The following RANBP2 variants were observed in gnomAD, a reference collection of about 807,000 sequenced individuals.
RANBP2 encodes RAN binding protein 2, also known as E3 SUMO-protein ligase RanBP2.
RANBP2 carries 57 observed loss-of-function variants against 303.6 expected under a neutral mutation model. That is an observed-to-expected ratio of 0.19 (90% CI 0.15 to 0.23). The LOEUF (loss-of-function observed/expected upper bound fraction) is 0.23, where lower values mean the gene tolerates loss of function less well. RANBP2 is among the 10% of genes least tolerant of loss of function. The pLI is 1.00. For synonymous variants in RANBP2, 1,167 were observed against 1,301.5 expected, an observed-to-expected ratio of 0.90 and a Z score of 2.23; for missense variants, 3,138 against 3,780.8, an observed-to-expected ratio of 0.83 and a Z score of 4.46.
chr2:109,151,899 G>A, the RANBP2 span, among the ~76,000 whole-genome samples: 1 of 152,214 alleles, frequency 6.6e-6, no homozygotes, highest in African/African-American at 2.4e-5. Context: ...GAGGACTGCA[G>A]GAATTTTTGG....
the RANBP2 span, among the ~76,000 whole-genome samples, chr2:108,990,832 G>A: frequency 6.6e-6 from 1 of 152,160 alleles, no homozygotes; most frequent in Non-Finnish European, 1.5e-5. Flanking sequence ...CAGACTGAGG[G>A]TCTGTGATAA....
chr2:109,174,701 T>C, the RANBP2 span, among the ~76,000 whole-genome samples: 5 of 152,250 alleles, frequency 3.3e-5, no homozygotes, highest in Non-Finnish European at 7.3e-5. Context: ...ATAGGGCACA[T>C]GCACTGAGGT....
At chr2:109,148,609 A>G in the RANBP2 span, among the ~76,000 whole-genome samples, 2 of 152,216 alleles carry the variant, frequency 1.3e-5, no homozygotes, top group South Asian at 2.1e-4. Flanking sequence ...TCGATTATGT[A>G]TAATTAAAGA....
the RANBP2 span, among the ~76,000 whole-genome samples, chr2:109,454,506 C>T: frequency 1.3e-5 from 2 of 152,196 alleles, no homozygotes; most frequent in African/African-American, 4.8e-5. Context: ...TTGACCAAGT[C>T]CACACGGTGA....
At chr2:109,613,797 CCA>C in the RANBP2 span, 4 of 1,231,962 alleles carry the variant, frequency 3.2e-6, no homozygotes, top group Non-Finnish European at 4.0e-6. Context: ...GCGGGACTCA[CCA>C]GGTGCCGCGC....
chr2:108,911,530 A>G, the RANBP2 span, among the ~76,000 whole-genome samples: 1 of 152,130 alleles, frequency 6.6e-6, no homozygotes, highest in Non-Finnish European at 1.5e-5. Flanking sequence ...TTTCAACCTA[A>G]GTGTCATTGT....
the RANBP2 span, among the ~76,000 whole-genome samples, chr2:109,404,644 G>A: frequency 5.3e-4 from 80 of 152,240 alleles, 1 homozygote; most frequent in African/African-American, 1.9e-3. Flanking sequence ...CCAGGCTGGC[G>A]GCCAAGCAGA....
the RANBP2 span, among the ~76,000 whole-genome samples, chr2:109,291,245 G>A: frequency 6.6e-6 from 1 of 151,552 alleles, no homozygotes; most frequent in Non-Finnish European, 1.5e-5. Flanking sequence ...AGCAACAACA[G>A]AAGGCTGTTG....
At chr2:109,538,091 G>A in the RANBP2 span, among the ~76,000 whole-genome samples, 1 of 152,184 alleles carries the variant, frequency 6.6e-6, no homozygotes, top group Non-Finnish European at 1.5e-5. Flanking sequence ...GGAGGCTCTA[G>A]GTGGACATCC....
At chr2:109,573,241 G>C in the RANBP2 span, among the ~76,000 whole-genome samples, 2 of 152,142 alleles carry the variant, frequency 1.3e-5, no homozygotes, top group Non-Finnish European at 2.9e-5. Context: ...AAAGAAACTT[G>C]CAAGATCAGA....
chr2:109,287,599 C>G, the RANBP2 span, among the ~76,000 whole-genome samples: 1 of 152,174 alleles, frequency 6.6e-6, no homozygotes, highest in Non-Finnish European at 1.5e-5. Context: ...ACTATATACC[C>G]AGGCGCAGGT....
the RANBP2 span, among the ~76,000 whole-genome samples, chr2:108,809,448 TTGTG>T: frequency 0.059 from 8,359 of 140,648 alleles, 256 homozygotes; most frequent in South Asian, 0.094. Flanking sequence ...ACATGAAATG[TTGTG>T]TGTGTGTGTG....
At chr2:109,285,454 G>A in the RANBP2 span, among the ~76,000 whole-genome samples, 6 of 152,332 alleles carry the variant, frequency 3.9e-5, no homozygotes, top group South Asian at 2.1e-4. Context: ...CTGCTGTGCC[G>A]TGCGTTTTTG....
chr2:109,315,480 G>T, the RANBP2 span, among the ~76,000 whole-genome samples: 1 of 152,368 alleles, frequency 6.6e-6, no homozygotes, highest in Middle Eastern at 3.4e-3. Flanking sequence ...TTACTAAGAG[G>T]CAGTAAGGAA....
chr2:109,318,662 C>T, the RANBP2 span, among the ~76,000 whole-genome samples: 1 of 152,084 alleles, frequency 6.6e-6, no homozygotes. Context: ...GATCAGAGTC[C>T]TAGGGAAGCC....
the RANBP2 span, among the ~76,000 whole-genome samples, chr2:109,686,159 G>A: frequency 3.3e-5 from 5 of 152,076 alleles, no homozygotes; most frequent in African/African-American, 1.2e-4. Flanking sequence ...TGGCAGTGCT[G>A]TGGGGAGCTG....
At chr2:108,817,560 G>A in the RANBP2 span, among the ~76,000 whole-genome samples, 4 of 152,090 alleles carry the variant, frequency 2.6e-5, no homozygotes, top group African/African-American at 9.7e-5. Context: ...CAAAGTGCTG[G>A]GATTACAGGC....
At chr2:109,014,848 G>A in the RANBP2 span, among the ~76,000 whole-genome samples, 3 of 152,176 alleles carry the variant, frequency 2.0e-5, no homozygotes, top group Non-Finnish European at 2.9e-5. Flanking sequence ...TAGGCTGGGC[G>A]CGGTGGCTCA....
chr2:109,686,854 C>T, the RANBP2 span, among the ~76,000 whole-genome samples: 2 of 152,222 alleles, frequency 1.3e-5, no homozygotes, highest in African/African-American at 4.8e-5. Flanking sequence ...CACAAGCGAT[C>T]TGCCTCCCAA....
Sources: allele counts gnomAD v4.1 joint callset (sites outside exome capture counted in the v4.1 genomes callset), GRCh38; gene constraint gnomAD v4.1.1; transcripts MANE v1.5; gene names NCBI Gene and HGNC (gene_info 2026-07-23, HGNC 2026-07-21).